Variants in NAALADL2 observed in about 807,000 individuals in gnomAD.
NAALADL2 encodes N-acetylated alpha-linked acidic dipeptidase like 2.
In NAALADL2, 76 loss-of-function variants were observed where a neutral mutation model predicts 87.2. The ratio of observed to expected loss-of-function variants is 0.87; its 90% confidence interval spans 0.72 to 1.05. The LOEUF (loss-of-function observed/expected upper bound fraction) is 1.05. NAALADL2 is among the 50% of genes least tolerant of loss of function. The pLI is 0.00. For missense variants in NAALADL2, 1,089 were observed against 945.8 expected, an observed-to-expected ratio of 1.15 and a Z score of -1.99; for synonymous variants, 354 against 331.0, an observed-to-expected ratio of 1.07 and a Z score of -0.75.
chr3:175,203,915 C>G (rs918273568), intron 2 of NAALADL2, among the ~76,000 whole-genome samples: 3 of 152,040 alleles, frequency 2.0e-5, no homozygotes, highest in Admixed American at 2.0e-4. Flanking sequence ...ATAGCCTGAA[C>G]AAATCAATAA....
intron 6 of NAALADL2, among the ~76,000 whole-genome samples, chr3:175,453,434 G>T (rs368495323): frequency 6.6e-6 from 1 of 152,014 alleles, no homozygotes; most frequent in Non-Finnish European, 1.5e-5. Context: ...TCTCTAAGTT[G>T]TAAAGGCCCA....
chr3:175,771,866 C>T (rs1222760172), intron 13 of NAALADL2, among the ~76,000 whole-genome samples: 1 of 152,086 alleles, frequency 6.6e-6, no homozygotes, highest in Non-Finnish European at 1.5e-5. Context: ...GTGGAGGCCT[C>T]AGGAAACTTA....
intron 3 of NAALADL2, among the ~76,000 whole-genome samples, chr3:174,781,256 C>T (rs758238801): frequency 6.6e-6 from 1 of 151,826 alleles, no homozygotes; most frequent in Non-Finnish European, 1.5e-5. Flanking sequence ...AATTATGTGT[C>T]TTGAGGTTGC....
chr3:175,612,843 C>A (rs1240147806), intron 10 of NAALADL2, among the ~76,000 whole-genome samples: 1 of 152,122 alleles, frequency 6.6e-6, no homozygotes, highest in Admixed American at 6.5e-5. Context: ...TCCTACCTTG[C>A]AATTTATTTG....
At chr3:174,460,612 T>G (rs1668315464) in intron 1 of NAALADL2, among the ~76,000 whole-genome samples, 1 of 151,930 alleles carries the variant, frequency 6.6e-6, no homozygotes, top group African/African-American at 2.4e-5. Context: ...CTTACGGTTT[T>G]GAAACAATAA....
chr3:175,475,391 TC>T (rs1449818227), intron 9 of NAALADL2, among the ~76,000 whole-genome samples: 2 of 152,128 alleles, frequency 1.3e-5, no homozygotes, highest in Non-Finnish European at 1.5e-5. Context: ...CATATGCACC[TC>T]TCCCTATATG....
intron 2 of NAALADL2, among the ~76,000 whole-genome samples, chr3:174,713,576 G>A (rs1730894532): frequency 1.3e-5 from 2 of 151,088 alleles, no homozygotes; most frequent in African/African-American, 5.0e-5. Context: ...ACTTTTTCAT[G>A]TGTCTTTTGG....
chr3:174,987,812 T>TATATATATATAATTTTATATATATATA (rs1553911297), intron 1 of NAALADL2, among the ~76,000 whole-genome samples: 2 of 120,070 alleles, frequency 1.7e-5, no homozygotes, highest in African/African-American at 9.2e-5. Context: ...ATATATATAA[T>TATATATATATAATTTTATATATATATA]TATATATATA....
chr3:175,326,782 G>T (rs1246717751), intron 5 of NAALADL2, among the ~76,000 whole-genome samples: 3 of 152,022 alleles, frequency 2.0e-5, no homozygotes, highest in Non-Finnish European at 2.9e-5. Context: ...AAAATAACGC[G>T]CCTGCTCTCA....
At chr3:175,225,444 G>C (rs1490815911) in intron 2 of NAALADL2, among the ~76,000 whole-genome samples, 9 of 151,948 alleles carry the variant, frequency 5.9e-5, no homozygotes, top group Admixed American at 5.3e-4. Flanking sequence ...TGTTAAAAAG[G>C]GTAAGACTAC....
chr3:174,821,094 A>G lies in NAALADL2; in HGVS notation c.-9+83348A>G, dbSNP rs866163000. Among the ~76,000 whole-genome samples the G allele has an allele frequency of 2.0e-5, 3 of 152,222 alleles. No individual in the cohort carries two copies. In the South Asian group the frequency reaches 6.2e-4, roughly 32 times the overall value. On this transcript the variant is annotated intron_variant, in intron 3 of 3. Transcript: ENST00000434257. Reference sequence around the variant, plus strand: ...CCACTGATTTGTGGCCCTTTTGCTGACTAGTTAGGGCTCCACTCCCCTATG... The same window carrying G: ...CCACTGATTTGTGGCCCTTTTGCTGGCTAGTTAGGGCTCCACTCCCCTATG...
At chr3:175,709,682 G>A (rs1038677098) in intron 11 of NAALADL2, among the ~76,000 whole-genome samples, 14 of 152,166 alleles carry the variant, frequency 9.2e-5, no homozygotes, top group Non-Finnish European at 1.9e-4. Flanking sequence ...TAGTGAAATT[G>A]TCTGGAGAAG....
chr3:174,882,528 C>A, intron 1 of NAALADL2, among the ~76,000 whole-genome samples: 1 of 143,280 alleles, frequency 7.0e-6, no homozygotes, highest in East Asian at 2.0e-4. Context: ...TGCATATACA[C>A]ATATATGCAT....
intron 3 of NAALADL2, among the ~76,000 whole-genome samples, chr3:174,782,588 GT>G (rs1553854025): frequency 6.6e-6 from 1 of 151,948 alleles, no homozygotes; most frequent in Non-Finnish European, 1.5e-5. Context: ...GTATTAGTCC[GT>G]TCTGACGCTG....
intron 1 of NAALADL2, among the ~76,000 whole-genome samples, chr3:174,963,139 T>C (rs568073696): frequency 6.6e-6 from 1 of 152,238 alleles, no homozygotes; most frequent in Admixed American, 6.5e-5. Flanking sequence ...TTTAGATGGC[T>C]CTGGTGATAC....
intron 1 of NAALADL2, among the ~76,000 whole-genome samples, chr3:174,538,212 G>C (rs1185360703): frequency 1.3e-5 from 2 of 152,048 alleles, no homozygotes; most frequent in Non-Finnish European, 2.9e-5. Context: ...TGAGAGTCTT[G>C]TAAACCAAAA....
chr3:174,678,165 C>T (rs16863259), intron 2 of NAALADL2, among the ~76,000 whole-genome samples: 8,876 of 152,162 alleles, frequency 0.058, 690 homozygotes, highest in African/African-American at 0.18. Flanking sequence ...CTGCTTTACA[C>T]ACACTACCTT....
chr3:174,529,280 C>T (rs1721033407), intron 1 of NAALADL2, among the ~76,000 whole-genome samples: 1 of 152,208 alleles, frequency 6.6e-6, no homozygotes, highest in African/African-American at 2.4e-5. Flanking sequence ...TCTTTGACTC[C>T]ATGTCTCACA....
At chr3:175,140,108 T>A (rs978057783) in intron 2 of NAALADL2, among the ~76,000 whole-genome samples, 1 of 152,276 alleles carries the variant, frequency 6.6e-6, no homozygotes, top group Admixed American at 6.5e-5. Context: ...GTCTGTCATC[T>A]GTATTAGGAC....
Sources: gnomAD v4.1 joint callset for allele counts (sites outside exome capture counted in the v4.1 genomes callset) on GRCh38, gnomAD v4.1.1 for gene constraint, MANE v1.5 for transcripts, NCBI Gene and HGNC (gene_info 2026-07-23, HGNC 2026-07-21) for gene names.